PRDM16: variants seen among roughly 807,000 people sequenced by gnomAD.
PRDM16 encodes PR/SET domain 16.
PRDM16 carries 23 observed loss-of-function variants against 110.6 expected under a neutral mutation model. The observed-to-expected ratio is 0.21, with a 90% confidence interval of 0.15 to 0.29. The LOEUF is 0.29. Ranked by LOEUF, PRDM16 falls within the 10% of genes least tolerant of loss-of-function variation. The pLI is 1.00. For missense variants in PRDM16, 1,615 were observed against 1,794.3 expected (o/e 0.90, Z 1.81); for synonymous variants, 799 against 781.8 (o/e 1.02, Z -0.37).
chr1:3,158,582 G>A (rs1390078459), intron 1 of PRDM16, among the ~76,000 whole-genome samples: 1 of 151,958 alleles, frequency 6.6e-6, no homozygotes, highest in Non-Finnish European at 1.5e-5. Flanking sequence ...CAATCTCATC[G>A]CCATGGGCTC....
chr1:3,098,450 A>G (rs1443166092), intron 1 of PRDM16, among the ~76,000 whole-genome samples: 1 of 151,830 alleles, frequency 6.6e-6, no homozygotes, highest in East Asian at 1.9e-4. Context: ...TGTCTCCCCC[A>G]CTCACCGCTC....
intron 2 of PRDM16, among the ~76,000 whole-genome samples, chr1:3,241,403 C>G (rs1466879420): frequency 1.3e-5 from 2 of 152,262 alleles, no homozygotes; most frequent in African/African-American, 2.4e-5. Flanking sequence ...GCCCCGTGCC[C>G]AGAGGATCCA....
chr1:3,394,425 A>AG lies in PRDM16; in HGVS notation c.574-2063dup, dbSNP rs1244335856. ...CGCCAGTGGAGCGGAGCCGAGAAGC[A>AG]GGGAGTGCGGGAGGATGCCCGAGGT... On this transcript the variant is annotated intron_variant, in intron 4 of 16. Coordinates refer to ENST00000270722, the MANE Select transcript of PRDM16 (RefSeq NM_022114.4). 8 of 412,170 alleles carry AG rather than the reference A, an allele frequency of 1.9e-5. No individual in the cohort carries two copies. In the East Asian group the frequency reaches 6.9e-4, roughly 36 times the overall value. 25.5% of individuals were successfully genotyped at this position (412,170 alleles called of 1,614,324 possible). A position where few individuals can be genotyped will look rare whatever the true frequency, so the allele number is the denominator to read the frequency against.
intron 3 of PRDM16, among the ~76,000 whole-genome samples, chr1:3,323,192 G>C (rs1475862740): frequency 6.6e-6 from 1 of 152,220 alleles, no homozygotes. Flanking sequence ...GGGAATGGCA[G>C]GATCCACCCC....
chr1:3,158,605 T>TG (rs1243788128), intron 1 of PRDM16, among the ~76,000 whole-genome samples: 4 of 152,086 alleles, frequency 2.6e-5, no homozygotes, highest in African/African-American at 9.7e-5. Context: ...CCAGCTGTTA[T>TG]GGGGGGAAAA....
At chr1:3,345,210 C>T (rs1642337949) in intron 3 of PRDM16, among the ~76,000 whole-genome samples, 2 of 152,224 alleles carry the variant, frequency 1.3e-5, no homozygotes, top group African/African-American at 2.4e-5. Flanking sequence ...TGCTTTCCTT[C>T]AAGGGTTCAG....
intron 1 of PRDM16, among the ~76,000 whole-genome samples, chr1:3,147,459 T>C (rs1341985671): frequency 6.6e-6 from 1 of 152,082 alleles, no homozygotes; most frequent in African/African-American, 2.4e-5. Flanking sequence ...ATCTGTGCTG[T>C]CCGCCTGTGC....
At position 3,358,176 on chromosome 1, in the gene PRDM16, C is replaced by G. The variant is rs1260933553; in HGVS notation, c.439-26976C>G. On this transcript the variant is annotated intron_variant, in intron 3 of 16. Transcript: ENST00000270722. This position sits in a 1 kb window ranked among gnomAD's most constrained non-coding sequence, Gnocchi z 4.0. ...CAACGTGGACCACACAGACACGGTG[C>G]AATAGGCCACTTTCTGGCCTTGGAG... Among the ~76,000 whole-genome samples the G allele has an allele frequency of 1.3e-5, 2 of 152,242 alleles. No homozygotes were observed. Among genetic ancestry groups the G allele is most frequent in the African/African-American group, 2.4e-5 (1 of 41,470 alleles).
intron 1 of PRDM16, among the ~76,000 whole-genome samples, chr1:3,075,789 T>G (rs1023332567): frequency 6.6e-6 from 1 of 152,140 alleles, no homozygotes; most frequent in Non-Finnish European, 1.5e-5. Context: ...ACGAACCCGG[T>G]GAGGAGGGGT....
chr1:3,143,729 G>C lies in PRDM16; in HGVS notation c.38-42396G>C, dbSNP rs980626939. Among the ~76,000 whole-genome samples, 1 of 152,118 alleles carries C rather than the reference G, an allele frequency of 6.6e-6. No individual in the cohort carries two copies. The highest frequency in any genetic ancestry group is 1.5e-5 in the Non-Finnish European group (1 of 68,034). Reference sequence around the variant, plus strand: ...TGACCTCAGGTGATCCTCCCGCCTCGGCCTCCCAAAGTGCTGGGATCACAG... The same window carrying C: ...TGACCTCAGGTGATCCTCCCGCCTCCGCCTCCCAAAGTGCTGGGATCACAG... On this transcript the variant is annotated intron_variant, in intron 1 of 16. Coordinates refer to ENST00000270722, the MANE Select transcript of PRDM16 (RefSeq NM_022114.4). The surrounding 1 kb of genome is among the most constrained non-coding windows in gnomAD (Gnocchi z 4.5).
intron 3 of PRDM16, among the ~76,000 whole-genome samples, chr1:3,355,941 G>A (rs892673096): frequency 2.6e-5 from 4 of 152,104 alleles, no homozygotes; most frequent in Non-Finnish European, 4.4e-5. Context: ...GATCTGAGGT[G>A]AATGTGAGCA....
intron 1 of PRDM16, among the ~76,000 whole-genome samples, chr1:3,141,964 A>G (rs1643558484): frequency 6.6e-6 from 1 of 152,150 alleles, no homozygotes; most frequent in South Asian, 2.1e-4. Flanking sequence ...GAACGAGAAC[A>G]CTCATGGTGC....
chr1:3,169,715 G>C (rs917888945), intron 1 of PRDM16, among the ~76,000 whole-genome samples: 1 of 152,186 alleles, frequency 6.6e-6, no homozygotes, highest in Non-Finnish European at 1.5e-5. Flanking sequence ...CACTTCCACC[G>C]TCTCTGGCTC....
In PRDM16 at chr1:3,358,124, G is replaced by A. The variant is rs1296861452; in HGVS notation, c.439-27028G>A. 1.3e-5 allele frequency among the ~76,000 whole-genome samples: 2 copies of A among 152,224 alleles called. No individual in the cohort carries two copies. Among genetic ancestry groups the A allele is most frequent in the East Asian group, 3.8e-4 (2 of 5,198 alleles). On this transcript the variant is annotated intron_variant, in intron 3 of 16. Transcript: ENST00000270722. The surrounding 1 kb of genome is among the most constrained non-coding windows in gnomAD (Gnocchi z 4.0). ...GGTCCATCCCGGAACCACACAGTGG[G>A]CCTGGCCATGACCCCCTTGCCCAGG...
intron 3 of PRDM16, among the ~76,000 whole-genome samples, chr1:3,331,757 C>G (rs1216659380): frequency 6.6e-6 from 1 of 152,198 alleles, no homozygotes; most frequent in Non-Finnish European, 1.5e-5. Flanking sequence ...GTCCTGGGCT[C>G]ACCGTGGCTC....
intron 3 of PRDM16, among the ~76,000 whole-genome samples, chr1:3,304,091 G>A (rs1641261529): frequency 1.4e-5 from 2 of 144,076 alleles, no homozygotes; most frequent in South Asian, 2.3e-4. Flanking sequence ...AATCCTTGGG[G>A]ACAGTGACAC....
At chr1:3,273,446 GT>G (rs1640503461) in intron 3 of PRDM16, among the ~76,000 whole-genome samples, 1 of 152,272 alleles carries the variant, frequency 6.6e-6, no homozygotes. Context: ...ACATGTGTGT[GT>G]GTGGGTGGGT....
chr1:3,385,309 G>T, intron 4 of PRDM16, 23 bp downstream of exon 4: 1 of 1,612,182 alleles, frequency 6.2e-7, no homozygotes, highest in Non-Finnish European at 8.5e-7. Context: ...TCATAACAGG[G>T]GCTTCTGCCT....
At chr1:3,093,311 C>T (rs543987938) in intron 1 of PRDM16, among the ~76,000 whole-genome samples, 32 of 152,326 alleles carry the variant, frequency 2.1e-4, no homozygotes, top group African/African-American at 6.7e-4. Context: ...TACTGTCCAA[C>T]GTTGCGATGT....
Sources: allele counts gnomAD v4.1 joint callset (sites outside exome capture counted in the v4.1 genomes callset), GRCh38; gene constraint gnomAD v4.1.1; non-coding constraint Gnocchi (gnomAD v3.1); transcripts MANE v1.5; gene names NCBI Gene and HGNC (gene_info 2026-07-23, HGNC 2026-07-21).